The following REDIC1 variants were observed in gnomAD, a reference collection of about 807,000 sequenced individuals.
REDIC1 encodes the protein HEI10 Interacting Protein 1.
chr12:39,809,717 TCA>T, the REDIC1 span, among the ~76,000 whole-genome samples: 1 of 152,270 alleles, frequency 6.6e-6, no homozygotes, highest in Admixed American at 6.5e-5. Flanking sequence ...CCATGTGTTC[TCA>T]TTGTTCAGTT....
At chr12:39,872,984 A>G in the REDIC1 span, among the ~76,000 whole-genome samples, 1 of 152,210 alleles carries the variant, frequency 6.6e-6, no homozygotes, top group East Asian at 1.9e-4. Flanking sequence ...ATATTTATCA[A>G]TACCTTCATA....
At chr12:39,634,748 C>G in the REDIC1 span, among the ~76,000 whole-genome samples, 36 of 152,100 alleles carry the variant, frequency 2.4e-4, no homozygotes, top group Non-Finnish European at 3.2e-4. Flanking sequence ...GACTAAAACA[C>G]CAAAAGCAAT....
the REDIC1 span, among the ~76,000 whole-genome samples, chr12:39,823,455 T>C: frequency 6.6e-6 from 1 of 152,196 alleles, no homozygotes; most frequent in Non-Finnish European, 1.5e-5. Context: ...TTAAAGAGGT[T>C]ACAAAGGAAA....
the REDIC1 span, among the ~76,000 whole-genome samples, chr12:39,715,426 AT>A: frequency 5.9e-5 from 9 of 151,736 alleles, no homozygotes; most frequent in Admixed American, 5.9e-4. Context: ...CTATGTGCCT[AT>A]TTTTATACCA....
the REDIC1 span, among the ~76,000 whole-genome samples, chr12:39,715,116 C>A: frequency 6.6e-6 from 1 of 151,794 alleles, no homozygotes; most frequent in South Asian, 2.1e-4. Flanking sequence ...CTTTTGTGTT[C>A]TTGGTCATGA....
At chr12:39,766,225 C>T in the REDIC1 span, among the ~76,000 whole-genome samples, 4 of 152,184 alleles carry the variant, frequency 2.6e-5, no homozygotes, top group Non-Finnish European at 4.4e-5. Flanking sequence ...GCTTAGACCA[C>T]GCCAATACAG....
At chr12:39,720,927 C>A in the REDIC1 span, 3 of 1,613,610 alleles carry the variant, frequency 1.9e-6, no homozygotes. Flanking sequence ...AAAACGATGA[C>A]AAAATTCACA....
At chr12:39,691,781 A>G in the REDIC1 span, among the ~76,000 whole-genome samples, 24 of 152,286 alleles carry the variant, frequency 1.6e-4, no homozygotes, top group African/African-American at 5.1e-4. Context: ...TGCATTTACT[A>G]TGATTACCTG....
the REDIC1 span, among the ~76,000 whole-genome samples, chr12:39,634,885 C>T: frequency 4.6e-5 from 7 of 152,018 alleles, no homozygotes; most frequent in African/African-American, 1.7e-4. Flanking sequence ...GCTATCTACC[C>T]GTCAGACAAA....
At chr12:39,821,629 G>C in the REDIC1 span, among the ~76,000 whole-genome samples, 5 of 152,144 alleles carry the variant, frequency 3.3e-5, no homozygotes, top group Non-Finnish European at 7.3e-5. Context: ...AAATCTAATG[G>C]AACACCTTCT....
the REDIC1 span, among the ~76,000 whole-genome samples, chr12:39,744,407 C>G: frequency 9.2e-5 from 14 of 152,098 alleles, no homozygotes; most frequent in South Asian, 2.1e-3. Context: ...ATGGAATAAG[C>G]GAAGATAAGT....
At chr12:39,727,070 T>C in the REDIC1 span, among the ~76,000 whole-genome samples, 1 of 152,202 alleles carries the variant, frequency 6.6e-6, no homozygotes, top group African/African-American at 2.4e-5. Context: ...TATTAGCCCT[T>C]TGTCAGATGG....
the REDIC1 span, chr12:39,626,204 A>C: frequency 1.1e-6 from 1 of 906,474 alleles, no homozygotes; most frequent in Admixed American, 2.3e-5. Flanking sequence ...CAGGCGGTGG[A>C]CCAGAAGGAG....
At chr12:39,838,580 A>T in the REDIC1 span, among the ~76,000 whole-genome samples, 1 of 152,052 alleles carries the variant, frequency 6.6e-6, no homozygotes, top group African/African-American at 2.4e-5. Context: ...ATATATTTAG[A>T]ACAAAACTGG....
At chr12:39,892,135 T>G in the REDIC1 span, among the ~76,000 whole-genome samples, 1 of 152,198 alleles carries the variant, frequency 6.6e-6, no homozygotes, top group Non-Finnish European at 1.5e-5. Flanking sequence ...CTGCTCCACA[T>G]AGCATGCTAC....
At chr12:39,757,454 T>A in the REDIC1 span, 1 of 151,594 alleles carries the variant, frequency 6.6e-6, no homozygotes, top group Non-Finnish European at 1.5e-5. Flanking sequence ...CCTGCAAAAT[T>A]TAAACATTTA....
At chr12:39,712,873 ACACG>A in the REDIC1 span, among the ~76,000 whole-genome samples, 2 of 145,896 alleles carry the variant, frequency 1.4e-5, no homozygotes, top group East Asian at 2.0e-4. Flanking sequence ...ACACGTATAT[ACACG>A]TATATACATA....
the REDIC1 span, among the ~76,000 whole-genome samples, chr12:39,631,412 T>C: frequency 6.6e-6 from 1 of 152,312 alleles, no homozygotes; most frequent in South Asian, 2.1e-4. Flanking sequence ...TATTGGAATA[T>C]TGTGACTAGT....
chr12:39,678,323 A>T, the REDIC1 span, among the ~76,000 whole-genome samples: 1 of 152,152 alleles, frequency 6.6e-6, no homozygotes, highest in Non-Finnish European at 1.5e-5. Flanking sequence ...ACACATACAA[A>T]TTAGAAAATC....
Sources: allele counts gnomAD v4.1 joint callset (sites outside exome capture counted in the v4.1 genomes callset), GRCh38; gene constraint gnomAD v4.1.1; transcripts MANE v1.5; gene names NCBI Gene and HGNC (gene_info 2026-07-23, HGNC 2026-07-21).